The following BRD3 variants were observed in gnomAD, a reference collection of about 807,000 sequenced individuals.
BRD3 encodes the protein bromodomain containing 3.
In BRD3, 17 loss-of-function variants were observed where a neutral mutation model predicts 66.8. The observed-to-expected ratio is 0.25, with a 90% CI of 0.17 to 0.38. BRD3 has a LOEUF of 0.38. Ranked by LOEUF, BRD3 falls within the 10% of genes least tolerant of loss-of-function variation. The pLI is 1.00. For missense variants in BRD3, 713 were observed against 956.1 expected, an observed-to-expected ratio of 0.75 and a Z score of 3.35; for synonymous variants, 421 against 393.2, an observed-to-expected ratio of 1.07 and a Z score of -0.84.
At chr9:134,057,336 G>A (rs1031315580) in intron 1 of BRD3, 5 of 152,350 alleles carry the variant, frequency 3.3e-5, no homozygotes, top group Admixed American at 2.6e-4. Context: ...GCACAAGCAG[G>A]ACAGCCACCC....
In BRD3 at chr9:134,045,083, G is replaced by T. The variant is rs111438751; in HGVS notation, c.1215+210C>A. Among the ~76,000 whole-genome samples, 994 of 152,296 alleles carry T rather than the reference G, an allele frequency of 6.5e-3. 16 individuals are homozygous for T. Among genetic ancestry groups the T allele is most frequent in the African/African-American group, 0.023 (949 of 41,564 alleles). ...AGAGCCCCAGTGGTCCCACCTGCTC[G>T]CTGGCTGCCCTGCCCCAGTGGCAGC... On this transcript the variant is annotated intron_variant, in intron 7 of 11. Coordinates refer to ENST00000303407, the MANE Select transcript of BRD3 (RefSeq NM_007371.4). This position sits in a 1 kb window ranked among gnomAD's most constrained non-coding sequence, Gnocchi z 4.8.
In BRD3 at chr9:134,031,222, A is replaced by C. The variant is rs1224921507; in HGVS notation, c.*2368T>G. 4 of 216,522 alleles carry C rather than the reference A, an allele frequency of 1.8e-5. No individual in the cohort carries two copies. The highest frequency in any genetic ancestry group is 3.7e-5 in the Non-Finnish European group (4 of 107,668). The allele number at this position is 216,522 out of a possible 1,614,324, so 13.4% of individuals were successfully genotyped here. The stretch of plus-strand genomic sequence containing the variant: ...GTCACAGAGAACCAGCCGAGAAGGA[A>C]AGGCCCCACGATGCTCCTGCTGCGC... On this transcript the variant is annotated 3_prime_UTR_variant, in exon 12 of 12. Coordinates refer to ENST00000303407, the MANE Select transcript of BRD3 (RefSeq NM_007371.4).
In BRD3 at chr9:134,031,163, T is replaced by C. The variant is rs145104493; in HGVS notation, c.*2427A>G. The C allele has an allele frequency of 7.2e-3, 1,635 of 226,198 alleles. 32 individuals carry two copies. Among genetic ancestry groups the C allele is most frequent in the African/African-American group, 0.034 (1,511 of 44,994 alleles). The allele number at this position is 226,198 out of a possible 1,614,324, so 14.0% of individuals were successfully genotyped here. ...GCTGTCAGGGTCAGTGGCTTCTTTCTAGATGAAAGGAGCAGAGGCGAGCCG... is the reference window on the plus strand; with the variant it reads ...GCTGTCAGGGTCAGTGGCTTCTTTCCAGATGAAAGGAGCAGAGGCGAGCCG... On this transcript the variant is annotated 3_prime_UTR_variant, in exon 12 of 12. Transcript: ENST00000303407.
chr9:134,040,087 A>G lies in BRD3; in HGVS notation c.1590T>C (p.Ala530=). The change falls in exon 9 of 12, where the codon GCT becomes GCC. Residue 530 remains alanine (A), a synonymous_variant. Coordinates refer to ENST00000303407, the MANE Select transcript of BRD3 (RefSeq NM_007371.4). ...TCTTGGCAGGAGCCTTCTTCTGCTG[A>G]GCCTGCTTGGCAGGCGGAGCCACCT... The part of the protein sequence containing the change: ...KAKVAPPAKQ[A]QQKKAPAKKA... 2 of 1,589,562 alleles carry G rather than the reference A, an allele frequency of 1.3e-6. No individual in the cohort carries two copies. Among genetic ancestry groups the G allele is most frequent in the South Asian group, 2.3e-5 (2 of 87,662 alleles).
At position 134,032,190 on chromosome 9, in the gene BRD3, A is replaced by G. The variant is rs984447546; in HGVS notation, c.*1400T>C. ...TCTGGGAAAACAAAACCAAAACATC[A>G]CCTTCTATTAAACTCTGTATATTAT... On this transcript the variant is annotated 3_prime_UTR_variant, in exon 12 of 12. Coordinates refer to ENST00000303407, the MANE Select transcript of BRD3 (RefSeq NM_007371.4). 9.3e-6 allele frequency: 2 copies of G among 215,558 alleles called. No individual in the cohort carries two copies. The highest frequency in any genetic ancestry group is 1.9e-5 in the Non-Finnish European group (2 of 107,130). 13.4% of individuals were successfully genotyped at this position (215,558 alleles called of 1,614,324 possible). A position where few individuals can be genotyped will look rare whatever the true frequency, so the allele number is the denominator to read the frequency against.
chr9:134,039,793 G>A (rs1446544645), intron 9 of BRD3, among the ~76,000 whole-genome samples: 1 of 152,238 alleles, frequency 6.6e-6, no homozygotes, highest in East Asian at 1.9e-4. Context: ...GTGGAGACCA[G>A]GCCGTGCCAG....
chr9:134,047,703 C>T (rs1293698480), intron 6 of BRD3, among the ~76,000 whole-genome samples: 1 of 152,304 alleles, frequency 6.6e-6, no homozygotes, highest in East Asian at 1.9e-4. Flanking sequence ...TGCTGTGAGG[C>T]GCCTGTATCC....
At chr9:134,047,139 C>T (rs1830188614) in intron 6 of BRD3, among the ~76,000 whole-genome samples, 1 of 152,260 alleles carries the variant, frequency 6.6e-6, no homozygotes, top group Admixed American at 6.5e-5. Context: ...CTGGGCCAGC[C>T]AGGTCTGTCC....
chr9:134,047,290 C>T (rs1374691416), intron 6 of BRD3, among the ~76,000 whole-genome samples: 1 of 152,264 alleles, frequency 6.6e-6, no homozygotes, highest in Non-Finnish European at 1.5e-5. Context: ...CAGGGCCGCA[C>T]GGCAGTTGGC....
intron 1 of BRD3, among the ~76,000 whole-genome samples, chr9:134,063,122 C>T (rs1408071051): frequency 3.9e-5 from 6 of 152,240 alleles, no homozygotes; most frequent in Admixed American, 3.9e-4. Flanking sequence ...CCAGCAGGGC[C>T]GCAGCTCTCA....
chr9:134,035,852 C>T lies in BRD3; in HGVS notation c.1936+180G>A, dbSNP rs532020764. Among the ~76,000 whole-genome samples the T allele has an allele frequency of 2.6e-5, 4 of 152,298 alleles. No homozygotes were observed. In the East Asian group the frequency reaches 7.7e-4, roughly 29 times the overall value. On this transcript the variant is annotated intron_variant, in intron 10 of 11. Transcript: ENST00000303407. ...GCTCAGGCCTGGGTTCAGCCCCAAG[C>T]CCACTGGCCCTGGGTGAGCACAGAT...
chr9:134,033,698 G>A lies in BRD3; in HGVS notation c.2073C>T (p.Pro691=), dbSNP rs56166940. Residue 691 remains proline (P), a synonymous_variant, in exon 12 of 12, where the codon CCC becomes CCT. Transcript: ENST00000303407. The surrounding 1 kb of genome is among the most constrained non-coding windows in gnomAD (Gnocchi z 5.1). Reference sequence around the variant, plus strand: ...ACGGGCCCCCTGAGGGTGCTGAGCCGGGCTTCTCTGTGGAGACATGGGCAG... The same window carrying A: ...ACGGGCCCCCTGAGGGTGCTGAGCCAGGCTTCTCTGTGGAGACATGGGCAG... The part of the protein sequence containing the change: ...SSKKPARKEK[P]GSAPSGGPSR... The A allele has an allele frequency of 5.9e-5, 44 of 742,114 alleles. No individual in the cohort carries two copies. The highest frequency in any genetic ancestry group is 3.1e-4 in the African/African-American group (18 of 58,542). 46.0% of individuals were successfully genotyped at this position (742,114 alleles called of 1,614,324 possible).
chr9:134,045,607 A>G lies in BRD3; in HGVS notation c.1087-186T>C, dbSNP rs1451849515. Among the ~76,000 whole-genome samples, 3 of 152,162 alleles carry G rather than the reference A, an allele frequency of 2.0e-5. No individual in the cohort carries two copies. Among genetic ancestry groups the G allele is most frequent in the South Asian group, 2.1e-4 (1 of 4,832 alleles). On this transcript the variant is annotated intron_variant, in intron 6 of 11. Transcript: ENST00000303407. This position sits in a 1 kb window ranked among gnomAD's most constrained non-coding sequence, Gnocchi z 4.8. Reference sequence around the variant, plus strand: ...GTACGAGGAAACCCAAAGTGAGGACATGAGAGGGTGACTTGATGGCTTGGC... The same window carrying G: ...GTACGAGGAAACCCAAAGTGAGGACGTGAGAGGGTGACTTGATGGCTTGGC...
Position 134,032,868 on chromosome 9 carries a change from C to CT in BRD3, c.*721dup, listed in dbSNP as rs57529360. On this transcript the variant is annotated 3_prime_UTR_variant, in exon 12 of 12. Transcript: ENST00000303407. ...TTTTTTTTTTTTTAAATCTTTTCTTCTTTTTTTTTTTTTAAAGTTGAGGTA... is the reference window on the plus strand; with the variant it reads ...TTTTTTTTTTTTTAAATCTTTTCTTCTTTTTTTTTTTTTTAAAGTTGAGGTA... 2,134 of 226,312 alleles carry CT rather than the reference C, an allele frequency of 9.4e-3. 2 individuals are homozygous for CT. The highest frequency in any genetic ancestry group is 0.016 in the Middle Eastern group (12 of 764). 14.0% of individuals were successfully genotyped at this position (226,312 alleles called of 1,614,324 possible). A position where few individuals can be genotyped will look rare whatever the true frequency, so the allele number is the denominator to read the frequency against.
chr9:134,068,518 C>T (rs1588310323), upstream of BRD3: 1 of 150,436 alleles, frequency 6.6e-6, no homozygotes, highest in African/African-American at 2.4e-5. Flanking sequence ...AAACAAACCG[C>T]GCGCCTAATT....
chr9:134,037,101 A>C (rs1829939944), intron 9 of BRD3, among the ~76,000 whole-genome samples: 1 of 151,950 alleles, frequency 6.6e-6, no homozygotes, highest in East Asian at 1.9e-4. Flanking sequence ...AAACAAGAAG[A>C]CCCCACTTAC....
chr9:134,042,720 TACACATATATATAC>T (rs1215047821), intron 7 of BRD3, among the ~76,000 whole-genome samples: 1 of 149,534 alleles, frequency 6.7e-6, no homozygotes, highest in African/African-American at 2.5e-5. Flanking sequence ...TACACATATA[TACACATATATATAC>T]ACACATATAT....
chr9:134,049,523 C>T (rs920258366), intron 5 of BRD3, among the ~76,000 whole-genome samples: 2 of 152,214 alleles, frequency 1.3e-5, no homozygotes, highest in Non-Finnish European at 2.9e-5. Flanking sequence ...CCGCACAGGG[C>T]GGATAGGAGC....
chr9:134,040,067 G>A lies in BRD3; in HGVS notation c.1610C>T (p.Ala537Val), dbSNP rs754328529. ...CGTGGTCGTGCTGTTGGCCTTCTTG[G>A]CAGGAGCCTTCTTCTGCTGAGCCTG... ...AKQAQQKKAP[A>V]KKANSTTTAG... Residue 537 changes from alanine (A) to valine (V), a missense_variant, in exon 9 of 12, where the codon GCC becomes GTC. Ala to Val is a moderately conservative substitution (Grantham distance 64). This residue lies in a region of BRD3 where 418 missense variants were observed against 609.3 expected (regional missense o/e 0.69). Coordinates refer to ENST00000303407, the MANE Select transcript of BRD3 (RefSeq NM_007371.4). 5 of 1,593,448 alleles carry A rather than the reference G, an allele frequency of 3.1e-6. No homozygotes were observed. The East Asian group carries it at 1.1e-4, about 36-fold the overall frequency.
Sources: allele counts gnomAD v4.1 joint callset (sites outside exome capture counted in the v4.1 genomes callset), GRCh38; gene constraint gnomAD v4.1.1; regional missense constraint gnomAD v4.1.1; non-coding constraint Gnocchi (gnomAD v3.1); transcripts MANE v1.5; gene names NCBI Gene and HGNC (gene_info 2026-07-23, HGNC 2026-07-21).